MTUS2: variants seen among roughly 807,000 people sequenced by gnomAD.
MTUS2 encodes the protein microtubule-associated tumor suppressor candidate 2.
A neutral mutation model predicts 114.1 loss-of-function variants in MTUS2; 40 were observed. The ratio of observed to expected loss-of-function variants is 0.35; its 90% CI spans 0.27 to 0.46. MTUS2 has a LOEUF of 0.46. MTUS2 is among the 20% of genes least tolerant of loss of function. The pLI, the probability that MTUS2 is intolerant of heterozygous loss-of-function variation, is 1.00. For synonymous variants in MTUS2, 688 were observed against 672.0 expected, an observed-to-expected ratio of 1.02 and a Z score of -0.37; for missense variants, 1,679 against 1,705.4, an observed-to-expected ratio of 0.98 and a Z score of 0.27.
intron 5 of MTUS2, among the ~76,000 whole-genome samples, chr13:29,247,017 C>G (rs1164962093): frequency 6.6e-6 from 1 of 152,040 alleles, no homozygotes; most frequent in Non-Finnish European, 1.5e-5. Context: ...TCAAACTATA[C>G]TGTAAGGATA....
Position 29,160,020 on chromosome 13 carries a change from C to T in MTUS2, c.2644+59050C>T, listed in dbSNP as rs533866248. On this transcript the variant is annotated intron_variant, in intron 5 of 15. Transcript: ENST00000612955. ...TTTATCCCAGAGCAATGAAGACTTA[C>T]GTTCACACAAAAAATCCTATACACC... Among the ~76,000 whole-genome samples the T allele has an allele frequency of 3.3e-5, 5 of 152,294 alleles. No individual in the cohort carries two copies. In the South Asian group the frequency reaches 1.0e-3, roughly 32 times the overall value.
At chr13:28,921,370 A>G (rs1176879689) in intron 2 of MTUS2, among the ~76,000 whole-genome samples, 2 of 152,166 alleles carry the variant, frequency 1.3e-5, no homozygotes, top group African/African-American at 4.8e-5. Context: ...CTGGTGCCCT[A>G]TCCTACTGTG....
intron 6 of MTUS2, among the ~76,000 whole-genome samples, chr13:29,306,335 A>G (rs1015788280): frequency 1.3e-5 from 2 of 152,214 alleles, no homozygotes; most frequent in Non-Finnish European, 2.9e-5. Context: ...ATAGGAAGAG[A>G]TGAAGTCAAA....
intron 5 of MTUS2, among the ~76,000 whole-genome samples, chr13:29,181,223 TA>T (rs67287656): frequency 0.56 from 85,488 of 151,612 alleles, 24,282 homozygotes; most frequent in Admixed American, 0.57. Context: ...ACCGACTGTG[TA>T]ACCCTATCAG....
intron 7 of MTUS2, among the ~76,000 whole-genome samples, chr13:29,351,335 C>A (rs1338948950): frequency 6.6e-6 from 1 of 152,024 alleles, no homozygotes; most frequent in East Asian, 1.9e-4. Flanking sequence ...AGTTTCTCTC[C>A]CCTCCTGGGC....
chr13:28,898,089 G>A (rs1232085874), intron 2 of MTUS2, among the ~76,000 whole-genome samples: 2 of 152,060 alleles, frequency 1.3e-5, no homozygotes, highest in Non-Finnish European at 2.9e-5. Flanking sequence ...GGGGGCTGGG[G>A]AGTGGGCAGT....
intron 5 of MTUS2, among the ~76,000 whole-genome samples, chr13:29,101,761 G>A (rs1288096485): frequency 1.3e-5 from 2 of 152,194 alleles, no homozygotes; most frequent in Non-Finnish European, 2.9e-5. Flanking sequence ...CACGTAGAGA[G>A]CTGTTTTGAA....
intron 2 of MTUS2, among the ~76,000 whole-genome samples, chr13:28,845,488 A>C (rs940180460): frequency 3.3e-5 from 5 of 152,186 alleles, no homozygotes; most frequent in Admixed American, 2.6e-4. Context: ...AAATTTACCT[A>C]GTCTTTTGCT....
chr13:29,292,741 C>T (rs572778125), intron 6 of MTUS2, among the ~76,000 whole-genome samples: 4 of 151,302 alleles, frequency 2.6e-5, no homozygotes, highest in South Asian at 2.1e-4. Flanking sequence ...TTTTTCATTT[C>T]GGAAAAGATC....
intron 4 of MTUS2, among the ~76,000 whole-genome samples, chr13:29,060,666 CTTTTAA>C (rs1490888620): frequency 6.7e-6 from 1 of 150,242 alleles, no homozygotes; most frequent in Non-Finnish European, 1.5e-5. Flanking sequence ...CAATTTCTGC[CTTTTAA>C]TTTTAGACTA....
chr13:29,457,726 T>C (rs1049578027), intron 9 of MTUS2, among the ~76,000 whole-genome samples: 1 of 152,050 alleles, frequency 6.6e-6, no homozygotes, highest in Non-Finnish European at 1.5e-5. Flanking sequence ...ACCAAACAGT[T>C]CTCCAAAATG....
intron 2 of MTUS2, among the ~76,000 whole-genome samples, chr13:28,936,860 G>A (rs1340031006): frequency 6.6e-6 from 1 of 152,156 alleles, no homozygotes; most frequent in Non-Finnish European, 1.5e-5. Flanking sequence ...GGCAGGGGAA[G>A]CCTGTCTGTT....
chr13:29,407,447 C>CTTGT (rs1555274925), intron 8 of MTUS2, among the ~76,000 whole-genome samples: 1 of 139,342 alleles, frequency 7.2e-6, no homozygotes, highest in Non-Finnish European at 1.5e-5. Context: ...AGTGATTGTA[C>CTTGT]TTATTTATTT....
chr13:29,351,834 C>G (rs1351499907), intron 7 of MTUS2, among the ~76,000 whole-genome samples: 4 of 150,168 alleles, frequency 2.7e-5, no homozygotes, highest in Non-Finnish European at 5.9e-5. Context: ...AGGCTGGTCT[C>G]AAACACCTGA....
chr13:29,108,138 T>C (rs1890743111), intron 5 of MTUS2, among the ~76,000 whole-genome samples: 1 of 152,220 alleles, frequency 6.6e-6, no homozygotes, highest in African/African-American at 2.4e-5. Context: ...CAAGAAATGT[T>C]ATTAATAACT....
rs926064889 is a variant in MTUS2, at chr13:28,911,018, G to A, written c.-243+71168G>A. Among the ~76,000 whole-genome samples the A allele has an allele frequency of 9.3e-5, 14 of 151,044 alleles. No homozygotes were observed. In the South Asian group the frequency reaches 1.7e-3, roughly 18 times the overall value. On this transcript the variant is annotated intron_variant, in intron 2 of 15. Coordinates refer to ENST00000612955, the MANE Select transcript of MTUS2 (RefSeq NM_001033602.4). ...AGCCTCCTGAATAGCTGGGACTACA[G>A]GCATCTGCCACCACGCCTGGTTAAT...
chr13:28,917,515 C>T (rs1880811026), intron 2 of MTUS2, among the ~76,000 whole-genome samples: 1 of 150,560 alleles, frequency 6.6e-6, no homozygotes, highest in Non-Finnish European at 1.5e-5. Context: ...AGGAATTTAT[C>T]TCATAGTAGC....
rs1448128898 is a variant in MTUS2 at position 28,843,270 on chromosome 13, T to G, written c.-243+3420T>G. Among the ~76,000 whole-genome samples the G allele has an allele frequency of 3.9e-5, 6 of 152,174 alleles. No individual in the cohort carries two copies. In the South Asian group the frequency reaches 1.2e-3, roughly 31 times the overall value. ...CCTGAGAGATTCCTGAAGGTTATTT[T>G]TTTTTTCTACATGTGATTCAGAAGT... On this transcript the variant is annotated intron_variant, in intron 2 of 15. Coordinates refer to ENST00000612955, the MANE Select transcript of MTUS2 (RefSeq NM_001033602.4).
chr13:28,972,680 C>T (rs1315864519), intron 2 of MTUS2, among the ~76,000 whole-genome samples: 1 of 152,152 alleles, frequency 6.6e-6, no homozygotes, highest in Non-Finnish European at 1.5e-5. Flanking sequence ...ATGGCTTTCC[C>T]GTTCTTCAAA....
Sources: allele counts gnomAD v4.1 joint callset (sites outside exome capture counted in the v4.1 genomes callset), GRCh38; gene constraint gnomAD v4.1.1; transcripts MANE v1.5; gene names NCBI Gene and HGNC (gene_info 2026-07-23, HGNC 2026-07-21).